The following CSMD1 variants were observed in gnomAD, a reference collection of about 807,000 sequenced individuals.
The protein encoded by CSMD1 is CUB and Sushi multiple domains 1.
A neutral mutation model predicts 417.5 loss-of-function variants in CSMD1; 213 were observed. That is an observed-to-expected ratio of 0.51 (90% CI 0.46 to 0.57). The LOEUF is 0.57. CSMD1 is among the 20% of genes least tolerant of loss of function. The pLI is 0.00. For synonymous variants in CSMD1, 2,862 were observed against 1,736.8 expected (o/e 1.65, Z -16.11); for missense variants, 6,923 against 4,529.7 (o/e 1.53, Z -15.17).
At chr8:4,726,711 C>G (rs377385076) in intron 1 of CSMD1, among the ~76,000 whole-genome samples, 6 of 152,328 alleles carry the variant, frequency 3.9e-5, no homozygotes, top group Non-Finnish European at 8.8e-5. Context: ...TTTATTCATT[C>G]TCCTTCTGGA....
At chr8:3,657,806 G>T (rs1241616216) in intron 7 of CSMD1, among the ~76,000 whole-genome samples, 1 of 152,070 alleles carries the variant, frequency 6.6e-6, no homozygotes, top group Non-Finnish European at 1.5e-5. Flanking sequence ...TAACAAACAT[G>T]CACATTCTGC....
chr8:2,998,345 T>C (rs780817019), intron 53 of CSMD1, among the ~76,000 whole-genome samples, 161 bp from the exon 54 acceptor site: 14 of 152,232 alleles, frequency 9.2e-5, no homozygotes, highest in Middle Eastern at 3.2e-3. Context: ...GAAGGGAATA[T>C]TGGGAGCTAC....
intron 11 of CSMD1, among the ~76,000 whole-genome samples, chr8:3,486,995 G>C (rs1818076577): frequency 6.6e-6 from 1 of 152,088 alleles, no homozygotes; most frequent in Non-Finnish European, 1.5e-5. Flanking sequence ...CCTTGATCCT[G>C]GGGAGTTGAT....
At chr8:4,248,536 T>G (rs1802849793) in intron 3 of CSMD1, among the ~76,000 whole-genome samples, 1 of 152,224 alleles carries the variant, frequency 6.6e-6, no homozygotes, top group Admixed American at 6.5e-5. Flanking sequence ...TTTTAGGTTT[T>G]GCCATAGACA....
intron 2 of CSMD1, among the ~76,000 whole-genome samples, chr8:4,449,979 T>C (rs1299199590): frequency 1.3e-5 from 2 of 152,196 alleles, no homozygotes; most frequent in Admixed American, 1.3e-4. Flanking sequence ...CATTCTGCCT[T>C]TCACTGGCCC....
chr8:4,415,665 A>G (rs1392061878), intron 3 of CSMD1, among the ~76,000 whole-genome samples: 1 of 152,200 alleles, frequency 6.6e-6, no homozygotes, highest in East Asian at 1.9e-4. Context: ...TTAACTCAGT[A>G]TTGTGTCTCT....
At chr8:3,998,339 T>C (rs890065303) in intron 4 of CSMD1, among the ~76,000 whole-genome samples, 2 of 152,170 alleles carry the variant, frequency 1.3e-5, no homozygotes, top group African/African-American at 4.8e-5. Context: ...GCGGGAAAGA[T>C]GGAAACGGTG....
At position 4,189,908 on chromosome 8, in the gene CSMD1, T is replaced by C. The variant is rs1201624385; in HGVS notation, c.416-157809A>G. ...AATCATTTCTAAGCCATTGAAAATCTGTACTCTTTTGCATATTTTTTTTTT... is the reference window on the plus strand; with the variant it reads ...AATCATTTCTAAGCCATTGAAAATCCGTACTCTTTTGCATATTTTTTTTTT... On this transcript the variant is annotated intron_variant, in intron 3 of 69. Coordinates refer to ENST00000635120, the MANE Select transcript of CSMD1 (RefSeq NM_033225.6). 2.6e-5 allele frequency among the ~76,000 whole-genome samples: 4 copies of C among 151,890 alleles called. No homozygotes were observed. The East Asian group carries it at 7.7e-4, about 29-fold the overall frequency.
intron 23 of CSMD1, among the ~76,000 whole-genome samples, chr8:3,333,854 A>G (rs1304862488): frequency 6.6e-6 from 1 of 152,202 alleles, no homozygotes; most frequent in African/African-American, 2.4e-5. Flanking sequence ...TTTACTTTAA[A>G]ACAGCAATGC....
At chr8:3,669,808 C>G (rs1305559750) in intron 7 of CSMD1, among the ~76,000 whole-genome samples, 1 of 152,134 alleles carries the variant, frequency 6.6e-6, no homozygotes, top group African/African-American at 2.4e-5. Flanking sequence ...GCAGCCCTAA[C>G]AGCCAATTCA....
chr8:3,285,988 C>T (rs1803124334), intron 25 of CSMD1, among the ~76,000 whole-genome samples: 2 of 152,172 alleles, frequency 1.3e-5, no homozygotes, highest in South Asian at 4.2e-4. Flanking sequence ...CCCCACTTCC[C>T]ACAACAGGCC....
At chr8:4,658,439 T>C (rs1391863352) in intron 1 of CSMD1, among the ~76,000 whole-genome samples, 1 of 152,040 alleles carries the variant, frequency 6.6e-6, no homozygotes, top group East Asian at 1.9e-4. Flanking sequence ...CAGAAGCAAG[T>C]GGCAGTATAT....
chr8:3,057,161 C>T (rs13275637), intron 49 of CSMD1, among the ~76,000 whole-genome samples: 64,344 of 151,850 alleles, frequency 0.42, 15,659 homozygotes, highest in Non-Finnish European at 0.54. Context: ...TCATTTTACA[C>T]GCAAACACAC....
chr8:3,084,783 T>C (rs1020360886), intron 49 of CSMD1, among the ~76,000 whole-genome samples: 6 of 152,016 alleles, frequency 3.9e-5, no homozygotes, highest in South Asian at 2.1e-4. Context: ...TTTATCCAGA[T>C]AATCATTTTT....
intron 2 of CSMD1, among the ~76,000 whole-genome samples, chr8:4,570,339 C>T (rs1335627525): frequency 6.6e-6 from 1 of 152,024 alleles, no homozygotes; most frequent in Non-Finnish European, 1.5e-5. Flanking sequence ...TTATTTTTAG[C>T]ATGAAGGGAT....
intron 1 of CSMD1, among the ~76,000 whole-genome samples, chr8:4,939,731 G>A (rs944172073): frequency 6.6e-6 from 1 of 152,168 alleles, no homozygotes; most frequent in Non-Finnish European, 1.5e-5. Context: ...CTATTGTACA[G>A]CACAGAGAGT....
At chr8:4,708,372 A>C (rs1808083394) in intron 1 of CSMD1, among the ~76,000 whole-genome samples, 1 of 152,218 alleles carries the variant, frequency 6.6e-6, no homozygotes, top group Non-Finnish European at 1.5e-5. Context: ...TGTCTTGTTC[A>C]TTATTCTGTT....
intron 10 of CSMD1, among the ~76,000 whole-genome samples, chr8:3,528,995 T>G (rs1797868706): frequency 6.6e-6 from 1 of 152,228 alleles, no homozygotes; most frequent in Admixed American, 6.5e-5. Context: ...ACTGACATAT[T>G]TTCAGAAGCC....
At chr8:4,299,028 T>A (rs1253862091) in intron 3 of CSMD1, among the ~76,000 whole-genome samples, 1 of 152,052 alleles carries the variant, frequency 6.6e-6, no homozygotes, top group Non-Finnish European at 1.5e-5. Flanking sequence ...AAAAGCAGAA[T>A]AAAAGAACTG....
Sources: allele counts gnomAD v4.1 joint callset (sites outside exome capture counted in the v4.1 genomes callset), GRCh38; gene constraint gnomAD v4.1.1; transcripts MANE v1.5; gene names NCBI Gene and HGNC (gene_info 2026-07-23, HGNC 2026-07-21).